Variants in ARMC3 observed in about 807,000 individuals in gnomAD.
The protein encoded by ARMC3 is armadillo repeat-containing protein 3.
In ARMC3, 74 loss-of-function variants were observed where a neutral mutation model predicts 90.3. The ratio of observed to expected loss-of-function variants is 0.82; its 90% CI spans 0.68 to 0.99. ARMC3 has a LOEUF of 0.99. ARMC3 is among the 50% of genes least tolerant of loss of function. The probability of loss-of-function intolerance (pLI) is 0.00; values close to 1 mark genes in which losing one functional copy is unlikely to be tolerated. For missense variants in ARMC3, 958 were observed against 1,042.8 expected, an observed-to-expected ratio of 0.92 and a Z score of 1.12; for synonymous variants, 334 against 361.8, an observed-to-expected ratio of 0.92 and a Z score of 0.87.
intron 16 of ARMC3, among the ~76,000 whole-genome samples, chr10:23,018,514 A>ATTTTTTT (rs5783816): frequency 6.6e-4 from 76 of 115,468 alleles, no homozygotes; most frequent in African/African-American, 9.3e-4. Flanking sequence ...CACCTTAGTA[A>ATTTTTTT]TTTTTTTTTT....
At chr10:22,937,649 C>A (rs926119820) in intron 2 of ARMC3, among the ~76,000 whole-genome samples, 7 of 152,188 alleles carry the variant, frequency 4.6e-5, no homozygotes, top group African/African-American at 1.7e-4. Flanking sequence ...CATATGATTT[C>A]ACATAGAGAA....
chr10:23,019,924 A>C (rs1838440735), intron 16 of ARMC3, among the ~76,000 whole-genome samples: 1 of 152,172 alleles, frequency 6.6e-6, no homozygotes, highest in Non-Finnish European at 1.5e-5. Flanking sequence ...CTTTCCACTC[A>C]GTGTAATGCC....
intron 4 of ARMC3, among the ~76,000 whole-genome samples, chr10:22,958,479 C>G (rs953107294): frequency 6.6e-6 from 1 of 152,146 alleles, no homozygotes; most frequent in East Asian, 1.9e-4. Context: ...AGTGACTCAA[C>G]TCTTCTGATA....
chr10:23,034,932 T>C (rs1839066867), intron 18 of ARMC3, among the ~76,000 whole-genome samples: 1 of 152,232 alleles, frequency 6.6e-6, no homozygotes, highest in African/African-American at 2.4e-5. Flanking sequence ...GATCTATGTA[T>C]GTGATTAGTA....
chr10:22,987,583 G>C (rs1378088132), intron 10 of ARMC3, among the ~76,000 whole-genome samples: 2 of 152,108 alleles, frequency 1.3e-5, no homozygotes, highest in African/African-American at 4.8e-5. Context: ...AATATACACA[G>C]TAATAACTAC....
At chr10:22,971,545 A>G (rs959997666) in intron 8 of ARMC3, among the ~76,000 whole-genome samples, 5 of 148,910 alleles carry the variant, frequency 3.4e-5, no homozygotes, top group Non-Finnish European at 7.4e-5. Flanking sequence ...GCTTCCAGCG[A>G]TTCTCCTGCC....
intron 10 of ARMC3, among the ~76,000 whole-genome samples, chr10:22,982,281 G>A (rs1588877211): frequency 6.6e-6 from 1 of 152,234 alleles, no homozygotes; most frequent in Non-Finnish European, 1.5e-5. Context: ...AGGAGGCTGA[G>A]GCAGCTGAAT....
At chr10:22,997,286 G>GT (rs1837019691) in intron 10 of ARMC3, 1 of 152,212 alleles carries the variant, frequency 6.6e-6, no homozygotes, top group African/African-American at 2.4e-5. Context: ...GCTTCATCTT[G>GT]GAAGCTAAGC....
chr10:23,016,400 AC>A (rs1838274389), intron 16 of ARMC3, among the ~76,000 whole-genome samples: 1 of 152,216 alleles, frequency 6.6e-6, no homozygotes, highest in Admixed American at 6.5e-5. Flanking sequence ...CTATATGTTT[AC>A]CTGCTCTCCT....
At chr10:22,944,118 T>C (rs1468531686) in intron 2 of ARMC3, among the ~76,000 whole-genome samples, 1 of 152,122 alleles carries the variant, frequency 6.6e-6, no homozygotes, top group Non-Finnish European at 1.5e-5. Context: ...GATATACTTT[T>C]TGAGTTTGTG....
intron 4 of ARMC3, among the ~76,000 whole-genome samples, chr10:22,958,747 G>A (rs11013206): frequency 0.22 from 32,981 of 151,892 alleles, 3,748 homozygotes; most frequent in Non-Finnish European, 0.24. Flanking sequence ...TTCGAGACAG[G>A]GTCTCACTCT....
In ARMC3 at chr10:22,959,380, A is replaced by G; in HGVS notation, c.362-19A>G. The G allele has an allele frequency of 1.3e-6, 2 of 1,586,484 alleles. No homozygotes were observed. Among genetic ancestry groups the G allele is most frequent in the African/African-American group, 1.4e-5 (1 of 73,614 alleles). On this transcript the variant is annotated intron_variant, in intron 5 of 18. Coordinates refer to ENST00000298032, the MANE Select transcript of ARMC3 (RefSeq NM_173081.5). ...AATAAGCAGTTGGCATACTTGTGTT[A>G]TTTATTTTTGATACACAGAAGAAGT...
chr10:23,011,467 G>A (rs1277713618), intron 16 of ARMC3, among the ~76,000 whole-genome samples: 1 of 152,196 alleles, frequency 6.6e-6, no homozygotes, highest in Non-Finnish European at 1.5e-5. Context: ...ACCAGTGTCA[G>A]TTTCTGTTGC....
In ARMC3 at chr10:22,990,973, C is replaced by G. The variant is rs547780351; in HGVS notation, c.1176-7175C>G. 2.6e-5 allele frequency among the ~76,000 whole-genome samples: 4 copies of G among 151,972 alleles called. No individual in the cohort carries two copies. In the South Asian group the frequency reaches 8.4e-4, roughly 32 times the overall value. ...CCTTTCCCTAGTCTCCCTTCTCCCC[C>G]TCTCTGCTTCCTCTGCCTCCTCCTC... On this transcript the variant is annotated intron_variant, in intron 10 of 18. Coordinates refer to ENST00000298032, the MANE Select transcript of ARMC3 (RefSeq NM_173081.5).
intron 10 of ARMC3, among the ~76,000 whole-genome samples, chr10:22,984,298 C>T (rs370523786): frequency 6.6e-6 from 1 of 152,102 alleles, no homozygotes; most frequent in South Asian, 2.1e-4. Flanking sequence ...TGAGTAATCG[C>T]TGGTGTTGTC....
chr10:23,005,876 A>C (rs1479994902), intron 13 of ARMC3, among the ~76,000 whole-genome samples: 2 of 145,298 alleles, frequency 1.4e-5, no homozygotes, highest in African/African-American at 5.6e-5. Context: ...AAAAGGGGGA[A>C]AAAAAAAAGA....
At chr10:22,929,090 G>C (rs1365326683) in intron 1 of ARMC3, among the ~76,000 whole-genome samples, 1 of 152,184 alleles carries the variant, frequency 6.6e-6, no homozygotes, top group Middle Eastern at 3.4e-3. Context: ...GCCGAGCGTG[G>C]TGGCGGGTAC....
chr10:23,003,545 AG>A, intron 13 of ARMC3, 131 bp downstream of exon 13: 1 of 804,070 alleles, frequency 1.2e-6, no homozygotes. Flanking sequence ...CTTGAAAATC[AG>A]CACTTCATTC....
Position 22,998,180 on chromosome 10 carries a change from T to C in ARMC3, c.1208T>C (p.Leu403Ser), listed in dbSNP as rs1350016322. The C allele has an allele frequency of 6.2e-7, 1 of 1,613,972 alleles. No individual in the cohort carries two copies. Among genetic ancestry groups the C allele is most frequent in the Admixed American group, 1.7e-5 (1 of 60,018 alleles). The change falls in exon 11 of 19, where the codon TTA becomes TCA. Residue 403 changes from leucine (L) to serine (S), a missense_variant. By Grantham distance (145) the Leu-to-Ser change is moderately radical. Transcript: ENST00000298032. The stretch of plus-strand genomic sequence containing the variant: ...GCTGAAGCTGATGGTATTGATCCAT[T>C]AATAAACCTCCTGTCTAGTAAACGA... ...AAAEADGIDPLINLLSSKRDG... is the reference protein window; with the variant it reads ...AAAEADGIDPSINLLSSKRDG...
Sources: allele counts gnomAD v4.1 joint callset (sites outside exome capture counted in the v4.1 genomes callset), GRCh38; gene constraint gnomAD v4.1.1; transcripts MANE v1.5; gene names NCBI Gene and HGNC (gene_info 2026-07-23, HGNC 2026-07-21).